Variants in CADM2 observed in about 807,000 individuals in gnomAD.
The protein encoded by CADM2 is immunoglobulin superfamily member 4D.
In CADM2, 12 loss-of-function variants were observed where a neutral mutation model predicts 49.8. That is an observed-to-expected ratio of 0.24 (90% CI 0.15 to 0.39). CADM2 has a LOEUF of 0.39. Ranked by LOEUF, CADM2 falls within the 10% of genes least tolerant of loss-of-function variation. The pLI, the probability that CADM2 is intolerant of heterozygous loss-of-function variation, is 1.00. For synonymous variants in CADM2, 214 were observed against 175.4 expected (o/e 1.22, Z -1.74); for missense variants, 378 against 492.3 (o/e 0.77, Z 2.20).
At chr3:85,843,326 T>A (rs936042602) in intron 3 of CADM2, among the ~76,000 whole-genome samples, 9 of 152,060 alleles carry the variant, frequency 5.9e-5, no homozygotes, top group Non-Finnish European at 8.8e-5. Context: ...CCAGCCTTAG[T>A]AATGTATCTT....
chr3:85,898,955 A>ATTTT lies in CADM2; in HGVS notation c.529+12653_529+12656dup, dbSNP rs35857247. ...TTATTGTGTATATATATATATATAT[A>ATTTT]TTTTTTTTTTTTTTTTTTTTTTTTT... On this transcript the variant is annotated intron_variant, in intron 5 of 9. Transcript: ENST00000383699. 4.1e-3 allele frequency among the ~76,000 whole-genome samples: 140 copies of ATTTT among 33,924 alleles called. 30 individuals are homozygous for ATTTT. Among genetic ancestry groups the ATTTT allele is most frequent in the Non-Finnish European group, 5.6e-3 (117 of 20,992 alleles). 22.3% of individuals were successfully genotyped at this position (33,924 alleles called of 152,430 possible).
chr3:85,879,671 AT>A lies in CADM2; in HGVS notation c.239-3613del, dbSNP rs899315404. 5.9e-5 allele frequency among the ~76,000 whole-genome samples: 9 copies of A among 151,996 alleles called. No homozygotes were observed. The East Asian group carries it at 9.6e-4, about 16-fold the overall frequency. On this transcript the variant is annotated intron_variant, in intron 3 of 9. Transcript: ENST00000383699. Reference sequence around the variant, plus strand: ...AATGTGCATTAAAATTTTTTAATCAATTTTTTTGTAGATTTATATGCAGTTG... The same window carrying A: ...AATGTGCATTAAAATTTTTTAATCAATTTTTTGTAGATTTATATGCAGTTG...
At chr3:85,074,919 CA>C (rs772502500) in intron 1 of CADM2, among the ~76,000 whole-genome samples, 3,527 of 139,156 alleles carry the variant, frequency 0.025, 89 homozygotes, top group African/African-American at 0.074. Context: ...GTATTCCTCT[CA>C]AAAAAAAAAA....
At position 86,071,004 on chromosome 3, in the gene CADM2, A is replaced by C. The variant is rs1422923208; in HGVS notation, c.*4221A>C. 1.3e-5 allele frequency: 2 copies of C among 151,934 alleles called. No individual in the cohort carries two copies. The highest frequency in any genetic ancestry group is 4.8e-5 in the African/African-American group (2 of 41,438). The allele number at this position is 151,934 out of a possible 1,614,324, so 9.4% of individuals were successfully genotyped here. Reference sequence around the variant, plus strand: ...AAGATCCAAGAGGTTGCTAATCTTCACCTCTCACATACTAAAGCATTCATT... The same window carrying C: ...AAGATCCAAGAGGTTGCTAATCTTCCCCTCTCACATACTAAAGCATTCATT... On this transcript the variant is annotated 3_prime_UTR_variant, in exon 10 of 10. Transcript: ENST00000383699.
chr3:85,437,897 TG>T (rs2107535618), intron 1 of CADM2, among the ~76,000 whole-genome samples: 1 of 152,148 alleles, frequency 6.6e-6, no homozygotes, highest in Admixed American at 6.6e-5. Context: ...CATTATTTTC[TG>T]ATTATAAAAA....
chr3:85,126,652 GGTTGTTTTAT>G (rs1271979839), intron 1 of CADM2, among the ~76,000 whole-genome samples: 1 of 151,728 alleles, frequency 6.6e-6, no homozygotes, highest in African/African-American at 2.4e-5. Context: ...AAATCACTAC[GGTTGTTTTAT>G]GTGTCTTTCT....
intron 1 of CADM2, among the ~76,000 whole-genome samples, chr3:85,691,353 A>G (rs1004678951): frequency 1.3e-5 from 2 of 152,234 alleles, no homozygotes; most frequent in African/African-American, 4.8e-5. Flanking sequence ...ATGAACACTT[A>G]GGTTGACTTA....
At chr3:85,490,635 C>A (rs1010492202) in intron 1 of CADM2, among the ~76,000 whole-genome samples, 2 of 151,978 alleles carry the variant, frequency 1.3e-5, no homozygotes, top group Non-Finnish European at 2.9e-5. Context: ...CAATTAATTC[C>A]AGTACTGCTT....
chr3:85,691,114 T>G (rs1017218209), intron 1 of CADM2, among the ~76,000 whole-genome samples: 2 of 152,152 alleles, frequency 1.3e-5, no homozygotes, highest in African/African-American at 4.8e-5. Context: ...CTACTCTTAT[T>G]CTCTCCTCTA....
chr3:85,908,323 C>T (rs1368516633), intron 5 of CADM2, among the ~76,000 whole-genome samples: 3 of 146,680 alleles, frequency 2.0e-5, no homozygotes, highest in African/African-American at 7.6e-5. Context: ...TTGGGTGCTC[C>T]AGTGCTCGAA....
chr3:85,882,685 G>A (rs1712989685), intron 3 of CADM2, among the ~76,000 whole-genome samples: 2 of 152,178 alleles, frequency 1.3e-5, no homozygotes, highest in Admixed American at 6.5e-5. Context: ...GTGAAACTGA[G>A]TGTCTTGTGA....
chr3:85,551,618 A>T lies in CADM2; in HGVS notation c.62-174904A>T, dbSNP rs754437152. On this transcript the variant is annotated intron_variant, in intron 1 of 9. Coordinates refer to ENST00000383699, the MANE Select transcript of CADM2 (RefSeq NM_001167675.2). ...GTTAAAGGGTTGTCTACTTAAAGAA[A>T]CTGTTTCATTCTTTTGTTAAAATAT... Among the ~76,000 whole-genome samples, 69 of 152,184 alleles carry T rather than the reference A, an allele frequency of 4.5e-4. 1 individual carries two copies. The highest frequency in any genetic ancestry group is 2.8e-4 in the Non-Finnish European group (19 of 68,008).
intron 1 of CADM2, among the ~76,000 whole-genome samples, chr3:85,480,087 C>A (rs902935011): frequency 3.3e-5 from 5 of 151,586 alleles, no homozygotes; most frequent in African/African-American, 1.2e-4. Context: ...GGTAGTTTTA[C>A]TGATTTGACA....
intron 1 of CADM2, among the ~76,000 whole-genome samples, chr3:85,556,540 A>ATTGTGAAAT (rs1280634736): frequency 6.6e-6 from 1 of 152,196 alleles, no homozygotes; most frequent in Non-Finnish European, 1.5e-5. Context: ...TTATCAATAA[A>ATTGTGAAAT]TTGTGAAATT....
At chr3:85,623,049 C>T (rs1576956248) in intron 1 of CADM2, among the ~76,000 whole-genome samples, 2 of 152,040 alleles carry the variant, frequency 1.3e-5, no homozygotes, top group East Asian at 3.9e-4. Context: ...AAGCTTAAGC[C>T]CACTGATAAG....
rs568620402 is a variant in CADM2 at position 85,875,975 on chromosome 3, A to G, written c.239-7316A>G. ...TGACACATCTCAACTTCCTATAGGA[A>G]TTAAGTGGGATACTTGGGTGGAAAG... is the stretch of plus-strand genomic sequence containing the variant. On this transcript the variant is annotated intron_variant, in intron 3 of 9. Transcript: ENST00000383699. Among the ~76,000 whole-genome samples the G allele has an allele frequency of 1.3e-4, 20 of 152,264 alleles. No individual in the cohort carries two copies. The South Asian group carries it at 3.9e-3, about 30-fold the overall frequency.
intron 1 of CADM2, among the ~76,000 whole-genome samples, chr3:85,085,460 T>C (rs1215048583): frequency 6.6e-6 from 1 of 152,152 alleles, no homozygotes; most frequent in African/African-American, 2.4e-5. Context: ...TAAATATGTA[T>C]GTATGTGTGT....
At chr3:85,213,459 G>T (rs976176480) in intron 1 of CADM2, among the ~76,000 whole-genome samples, 1 of 151,788 alleles carries the variant, frequency 6.6e-6, no homozygotes, top group Non-Finnish European at 1.5e-5. Context: ...GAGCTCCTTT[G>T]TATGCTATTT....
In CADM2 at chr3:86,073,420, A is replaced by G. The variant is rs1398502098; in HGVS notation, c.*6637A>G. ...TCTACTCTTGTCATTAACATTTTCA[A>G]AAAACAAAATGCATATTGTAATATT... is the stretch of plus-strand genomic sequence containing the variant. On this transcript the variant is annotated 3_prime_UTR_variant, in exon 10 of 10. Coordinates refer to ENST00000383699, the MANE Select transcript of CADM2 (RefSeq NM_001167675.2). 1 of 152,072 alleles carries G rather than the reference A, an allele frequency of 6.6e-6. No individual in the cohort carries two copies. The highest frequency in any genetic ancestry group is 2.4e-5 in the African/African-American group (1 of 41,446). 9.4% of individuals were successfully genotyped at this position (152,072 alleles called of 1,614,324 possible). A position where few individuals can be genotyped will look rare whatever the true frequency, so the allele number is the denominator to read the frequency against.
Sources: gnomAD v4.1 joint callset for allele counts (sites outside exome capture counted in the v4.1 genomes callset) on GRCh38, gnomAD v4.1.1 for gene constraint, MANE v1.5 for transcripts, NCBI Gene and HGNC (gene_info 2026-07-23, HGNC 2026-07-21) for gene names.